SORCS3: variants seen among roughly 807,000 people sequenced by gnomAD.
SORCS3 encodes VPS10 domain-containing receptor SorCS3.
A neutral mutation model predicts 146.3 loss-of-function variants in SORCS3; 57 were observed. The observed-to-expected ratio is 0.39, with a 90% CI of 0.31 to 0.49. SORCS3 has a LOEUF of 0.49. Ranked by LOEUF, SORCS3 falls within the 20% of genes least tolerant of loss-of-function variation. SORCS3 has a pLI of 0.92. For missense variants in SORCS3, 1,341 were observed against 1,575.5 expected, an observed-to-expected ratio of 0.85 and a Z score of 2.52; for synonymous variants, 653 against 618.5, an observed-to-expected ratio of 1.06 and a Z score of -0.83.
At chr10:104,912,995 A>C (rs2018985108) in intron 2 of SORCS3, among the ~76,000 whole-genome samples, 1 of 152,208 alleles carries the variant, frequency 6.6e-6, no homozygotes, top group South Asian at 2.1e-4. Context: ...TGCGTACAGC[A>C]GCGGAGGGCA....
rs139099213 is a variant in SORCS3, at chr10:104,726,252, G to A, written c.627+84298G>A. On this transcript the variant is annotated intron_variant, in intron 1 of 26. Coordinates refer to ENST00000369701, the MANE Select transcript of SORCS3 (RefSeq NM_014978.3). Reference sequence around the variant, plus strand: ...GTTACTAACCTGTACCCAGGAGAATGGACACCTTCCCCTCTGGGAGCCTTA... The same window carrying A: ...GTTACTAACCTGTACCCAGGAGAATAGACACCTTCCCCTCTGGGAGCCTTA... Among the ~76,000 whole-genome samples the A allele has an allele frequency of 1.2e-4, 18 of 152,328 alleles. No individual in the cohort carries two copies. In the East Asian group the frequency reaches 3.3e-3, roughly 28 times the overall value.
chr10:104,758,356 G>C (rs566768445), intron 1 of SORCS3, among the ~76,000 whole-genome samples: 127 of 151,958 alleles, frequency 8.4e-4, no homozygotes, highest in Non-Finnish European at 1.4e-3. Context: ...CCATAATGAG[G>C]GTTACTGCAT....
intron 1 of SORCS3, among the ~76,000 whole-genome samples, chr10:104,775,343 AG>A (rs1457355576): frequency 4.6e-5 from 7 of 152,224 alleles, no homozygotes; most frequent in Non-Finnish European, 8.8e-5. Flanking sequence ...GTAAGTGCTC[AG>A]TAAGTGTTAT....
At chr10:105,120,611 G>A (rs1293095501) in intron 7 of SORCS3, among the ~76,000 whole-genome samples, 1 of 152,064 alleles carries the variant, frequency 6.6e-6, no homozygotes, top group Non-Finnish European at 1.5e-5. Context: ...ACTAAGACTT[G>A]TTTCTTCCCA....
intron 1 of SORCS3, among the ~76,000 whole-genome samples, chr10:104,820,136 A>G (rs1485481517): frequency 6.6e-6 from 1 of 152,182 alleles, no homozygotes; most frequent in African/African-American, 2.4e-5. Flanking sequence ...CTAATCAGTA[A>G]GGAGGTGGAA....
At position 104,915,900 on chromosome 10, in the gene SORCS3, T is replaced by C; in HGVS notation, c.763T>C (p.Tyr255His). The C allele has an allele frequency of 6.2e-7, 1 of 1,614,094 alleles. No homozygotes were observed. Among genetic ancestry groups the C allele is most frequent in the Non-Finnish European group, 8.5e-7 (1 of 1,179,982 alleles). The change falls in exon 3 of 27, where the codon TAC becomes CAC. Residue 255 changes from tyrosine to histidine, a missense_variant. Physicochemically the swap from Tyr to His is moderately conservative, Grantham distance 83 (BLOSUM62 2). Coordinates refer to ENST00000369701, the MANE Select transcript of SORCS3 (RefSeq NM_014978.3). ...AGTGGGTTTGAAGACTGTCCTCAGT[T>C]ACCTCTATGTCAATCCAACCAACAA... ...DKVGLKTVLS[Y>H]LYVNPTNKRK... is the part of the protein sequence containing the mutation.
At chr10:104,953,015 A>C (rs2019449638) in intron 3 of SORCS3, among the ~76,000 whole-genome samples, 1 of 152,202 alleles carries the variant, frequency 6.6e-6, no homozygotes, top group African/African-American at 2.4e-5. Flanking sequence ...AGGAAAAGAC[A>C]CGCACCTTCT....
intron 4 of SORCS3, among the ~76,000 whole-genome samples, chr10:105,040,569 A>G (rs537665864): frequency 1.3e-5 from 2 of 152,086 alleles, no homozygotes; most frequent in African/African-American, 2.4e-5. Context: ...CCTTGCCCCA[A>G]TTTTCCCTTT....
At chr10:104,684,668 C>G (rs552368554) in intron 1 of SORCS3, among the ~76,000 whole-genome samples, 1 of 151,074 alleles carries the variant, frequency 6.6e-6, no homozygotes, top group East Asian at 2.0e-4. Flanking sequence ...GATATCTCAA[C>G]TGAAGAATGA....
At chr10:104,957,293 C>G (rs2019505094) in intron 3 of SORCS3, among the ~76,000 whole-genome samples, 1 of 152,110 alleles carries the variant, frequency 6.6e-6, no homozygotes, top group Non-Finnish European at 1.5e-5. Flanking sequence ...TCTGGTGTTC[C>G]TCTGCTTTCC....
intron 22 of SORCS3, among the ~76,000 whole-genome samples, chr10:105,249,919 A>T (rs867512997): frequency 6.6e-6 from 1 of 151,984 alleles, no homozygotes; most frequent in Non-Finnish European, 1.5e-5. Flanking sequence ...AAAAAATGAG[A>T]TGAGAATGAG....
chr10:105,016,155 A>AT lies in SORCS3; in HGVS notation c.955-26885dup, dbSNP rs10625699. On this transcript the variant is annotated intron_variant, in intron 4 of 26. Transcript: ENST00000369701. The stretch of plus-strand genomic sequence containing the variant: ...TATAAATATATATATATATATATAT[A>AT]TTTTTTTTTTTTTTTGAGATGGAGT... Among the ~76,000 whole-genome samples, 329 of 101,298 alleles carry AT rather than the reference A, an allele frequency of 3.2e-3. 3 individuals are homozygous for AT. The highest frequency in any genetic ancestry group is 9.9e-3 in the African/African-American group (205 of 20,662). The allele number at this position is 101,298 out of a possible 152,430, so 66.5% of individuals were successfully genotyped here. A position where few individuals can be genotyped will look rare whatever the true frequency, so the allele number is the denominator to read the frequency against.
In SORCS3 at chr10:104,969,303, TTGTGTGTGTGTGTGTG is replaced by T. The variant is rs59557629; in HGVS notation, c.796-8009_796-7994del. Among the ~76,000 whole-genome samples, 6 of 140,660 alleles carry T rather than the reference TTGTGTGTGTGTGTGTG, an allele frequency of 4.3e-5. No homozygotes were observed. The Middle Eastern group carries it at 0.011, about 249-fold the overall frequency. 92.3% of individuals were successfully genotyped at this position (140,660 alleles called of 152,430 possible). ...TTCTCAGAGATGCTTTCAAAAAGGA[TTGTGTGTGTGTGTGTG>T]TGTGTGTGTGTGTGTGTGTGTGCGC... On this transcript the variant is annotated intron_variant, in intron 3 of 26. Transcript: ENST00000369701.
At chr10:104,932,233 C>T (rs1276804210) in intron 3 of SORCS3, among the ~76,000 whole-genome samples, 2 of 152,176 alleles carry the variant, frequency 1.3e-5, no homozygotes, top group African/African-American at 4.8e-5. Context: ...CAGCTGGACC[C>T]TAAGCAAATT....
At chr10:105,205,752 A>C (rs887815201) in intron 16 of SORCS3, among the ~76,000 whole-genome samples, 1 of 152,196 alleles carries the variant, frequency 6.6e-6, no homozygotes, top group Non-Finnish European at 1.5e-5. Context: ...AGCCCCTACT[A>C]TGTAAGCAGA....
intron 2 of SORCS3, among the ~76,000 whole-genome samples, chr10:104,882,274 G>A (rs1210722798): frequency 6.6e-6 from 1 of 152,168 alleles, no homozygotes; most frequent in African/African-American, 2.4e-5. Flanking sequence ...TTATTGCAAA[G>A]GAGGTTCCCA....
intron 2 of SORCS3, among the ~76,000 whole-genome samples, chr10:104,883,989 G>T (rs143827808): frequency 1.4e-5 from 2 of 147,478 alleles, no homozygotes; most frequent in African/African-American, 5.1e-5. Flanking sequence ...GGGGGGGAAA[G>T]GGTCCTACCC....
At chr10:104,694,827 A>G (rs1260293360) in intron 1 of SORCS3, among the ~76,000 whole-genome samples, 1 of 152,158 alleles carries the variant, frequency 6.6e-6, no homozygotes, top group African/African-American at 2.4e-5. Context: ...CACCTCACTT[A>G]CAGGGTTTTG....
chr10:104,678,068 C>G (rs992332180), intron 1 of SORCS3, among the ~76,000 whole-genome samples: 12 of 152,124 alleles, frequency 7.9e-5, no homozygotes, highest in African/African-American at 2.9e-4. Context: ...CACATGTGTG[C>G]ATGGTCTGGC....
Sources: gnomAD v4.1 joint callset for allele counts (sites outside exome capture counted in the v4.1 genomes callset) on GRCh38, gnomAD v4.1.1 for gene constraint, MANE v1.5 for transcripts, NCBI Gene and HGNC (gene_info 2026-07-23, HGNC 2026-07-21) for gene names.